The following SIK3 variants were observed in gnomAD, a reference collection of about 807,000 sequenced individuals.
SIK3 encodes serine/threonine-protein kinase SIK3.
Under a neutral mutation model 144.2 loss-of-function variants are expected in SIK3, and 28 were observed. The observed-to-expected ratio is 0.19, with a 90% CI of 0.14 to 0.27. The LOEUF (loss-of-function observed/expected upper bound fraction) is 0.27, where lower values mean the gene tolerates loss of function less well. SIK3 is among the 10% of genes least tolerant of loss of function. SIK3 has a pLI of 1.00. For synonymous variants in SIK3, 686 were observed against 676.3 expected, an observed-to-expected ratio of 1.01 and a Z score of -0.22; for missense variants, 1,319 against 1,776.0, an observed-to-expected ratio of 0.74 and a Z score of 4.62.
chr11:116,915,884 C>A (rs1340027712), intron 4 of SIK3, among the ~76,000 whole-genome samples: 1 of 151,988 alleles, frequency 6.6e-6, no homozygotes, highest in Non-Finnish European at 1.5e-5. Context: ...AAAACTGTAC[C>A]CTGGTCAAAG....
In SIK3 at chr11:116,844,885, G is replaced by A. The variant is rs1420677636; in HGVS notation, c.*758C>T. On this transcript the variant is annotated 3_prime_UTR_variant, in exon 25 of 25. Transcript: ENST00000445177. ...AGCTGAGTTATCCACCAAAAGCAAAGGCTCAAATTGAGACATCCTAACTGG... is the reference window on the plus strand; with the variant it reads ...AGCTGAGTTATCCACCAAAAGCAAAAGCTCAAATTGAGACATCCTAACTGG... 1 of 151,410 alleles carries A rather than the reference G, an allele frequency of 6.6e-6. No homozygotes were observed. The highest frequency in any genetic ancestry group is 1.5e-5 in the Non-Finnish European group (1 of 67,924). 9.4% of individuals were successfully genotyped at this position (151,410 alleles called of 1,614,324 possible). A position where few individuals can be genotyped will look rare whatever the true frequency, so the allele number is the denominator to read the frequency against.
intron 1 of SIK3, among the ~76,000 whole-genome samples, chr11:117,019,996 C>A (rs550858167): frequency 3.3e-5 from 5 of 152,098 alleles, no homozygotes; most frequent in East Asian, 1.9e-4. Flanking sequence ...TGAAAGATAA[C>A]AGCCATTCAA....
intron 4 of SIK3, among the ~76,000 whole-genome samples, chr11:116,901,691 C>T (rs1336542866): frequency 6.6e-6 from 1 of 151,820 alleles, no homozygotes; most frequent in Non-Finnish European, 1.5e-5. Flanking sequence ...AAAGATCTAC[C>T]CTCTCTCTCT....
intron 1 of SIK3, among the ~76,000 whole-genome samples, chr11:117,012,920 C>T (rs1476721338): frequency 5.3e-5 from 7 of 131,068 alleles, no homozygotes; most frequent in African/African-American, 2.0e-4. Flanking sequence ...GGCGTGATCT[C>T]GGCTCACTGC....
chr11:116,916,098 G>C (rs1015711904), intron 4 of SIK3, among the ~76,000 whole-genome samples: 2 of 152,148 alleles, frequency 1.3e-5, no homozygotes, highest in African/African-American at 4.8e-5. Flanking sequence ...TGTATGACAT[G>C]AATCTCTTGG....
intron 1 of SIK3, among the ~76,000 whole-genome samples, chr11:117,068,913 T>C (rs1954136768): frequency 6.6e-6 from 1 of 152,190 alleles, no homozygotes; most frequent in South Asian, 2.1e-4. Context: ...TCTTCACCTA[T>C]AAGGAGGAAG....
intron 1 of SIK3, among the ~76,000 whole-genome samples, chr11:117,040,637 G>C (rs1395033194): frequency 2.0e-5 from 3 of 152,116 alleles, no homozygotes; most frequent in Non-Finnish European, 4.4e-5. Flanking sequence ...ACAAAAAGTA[G>C]AGGAGAACAT....
At chr11:117,055,944 C>T (rs945596487) in intron 1 of SIK3, among the ~76,000 whole-genome samples, 1 of 152,172 alleles carries the variant, frequency 6.6e-6, no homozygotes, top group African/African-American at 2.4e-5. Context: ...GCCCTCCCAG[C>T]CTCCAGAACT....
intron 1 of SIK3, among the ~76,000 whole-genome samples, chr11:117,027,973 T>C (rs1283319366): frequency 1.3e-5 from 2 of 152,244 alleles, no homozygotes; most frequent in Non-Finnish European, 2.9e-5. Flanking sequence ...CAATGCATTA[T>C]GCATGTGCAG....
chr11:116,941,257 C>CA (rs1213604903), intron 3 of SIK3, among the ~76,000 whole-genome samples: 1 of 152,156 alleles, frequency 6.6e-6, no homozygotes, highest in Non-Finnish European at 1.5e-5. Context: ...CCGCCCGCCT[C>CA]AGCCTCCCAA....
At chr11:116,881,007 C>T (rs1944515294) in intron 6 of SIK3, among the ~76,000 whole-genome samples, 1 of 152,016 alleles carries the variant, frequency 6.6e-6, no homozygotes, top group Non-Finnish European at 1.5e-5. Context: ...ACCTGTAATC[C>T]CAGCTACCCG....
chr11:117,086,854 G>C (rs554967820), intron 1 of SIK3, among the ~76,000 whole-genome samples: 1 of 151,952 alleles, frequency 6.6e-6, no homozygotes, highest in Non-Finnish European at 1.5e-5. Context: ...AATTAGCCAG[G>C]TGTGGTGGCA....
intron 1 of SIK3, among the ~76,000 whole-genome samples, chr11:117,027,667 A>T (rs1952075741): frequency 6.6e-6 from 1 of 151,888 alleles, no homozygotes; most frequent in Non-Finnish European, 1.5e-5. Context: ...GGGTTTCACC[A>T]TGTTGGCCAG....
intron 1 of SIK3, among the ~76,000 whole-genome samples, chr11:117,003,421 A>G (rs1332158392): frequency 3.3e-5 from 5 of 152,214 alleles, no homozygotes; most frequent in African/African-American, 1.2e-4. Flanking sequence ...TTTTTCTAGT[A>G]TAAAATGAGG....
At chr11:116,911,828 AT>A (rs1186963098) in intron 4 of SIK3, among the ~76,000 whole-genome samples, 31 of 152,250 alleles carry the variant, frequency 2.0e-4, no homozygotes, top group Admixed American at 1.9e-3. Flanking sequence ...ACTGATGCCG[AT>A]AAAATACTTG....
intron 1 of SIK3, among the ~76,000 whole-genome samples, chr11:117,080,312 G>C (rs1712291080): frequency 7.5e-6 from 1 of 133,872 alleles, no homozygotes; most frequent in South Asian, 2.3e-4. Context: ...CTTACTTGGA[G>C]GGTGATGTGG....
intron 1 of SIK3, among the ~76,000 whole-genome samples, chr11:117,023,623 T>A (rs7941577): frequency 0.029 from 2,328 of 80,102 alleles, 47 homozygotes; most frequent in East Asian, 0.1. Flanking sequence ...AAAAAAAAAA[T>A]ATATATATAT....
In SIK3 at chr11:116,878,536, C is replaced by T. The variant is rs958710045; in HGVS notation, c.866-1494G>A. ...CTGGGATTACAGGCCTGTGCCACCA[C>T]GCCCAGCTAATTTTTGCATCTTTAA... is the stretch of plus-strand genomic sequence containing the variant. On this transcript the variant is annotated intron_variant, in intron 6 of 24. Transcript: ENST00000445177. Among the ~76,000 whole-genome samples, 13 of 152,160 alleles carry T rather than the reference C, an allele frequency of 8.5e-5. No individual in the cohort carries two copies. The South Asian group carries it at 1.0e-3, about 12-fold the overall frequency.
At chr11:117,031,185 T>C (rs939095947) in intron 1 of SIK3, among the ~76,000 whole-genome samples, 4 of 152,204 alleles carry the variant, frequency 2.6e-5, no homozygotes, top group East Asian at 1.9e-4. Context: ...TTTTTCCTTT[T>C]CTAGATCATA....
Sources: gnomAD v4.1 joint callset for allele counts (sites outside exome capture counted in the v4.1 genomes callset) on GRCh38, gnomAD v4.1.1 for gene constraint, MANE v1.5 for transcripts, NCBI Gene and HGNC (gene_info 2026-07-23, HGNC 2026-07-21) for gene names.